EPB41L2: variants seen among roughly 807,000 people sequenced by gnomAD.
EPB41L2 encodes erythrocyte membrane protein band 4.1 like 2.
EPB41L2 carries 43 observed loss-of-function variants against 113.0 expected under a neutral mutation model. That is an observed-to-expected ratio of 0.38 (90% CI 0.30 to 0.49). The LOEUF is 0.49. Among genes scored for constraint, EPB41L2 ranks in the 20% least tolerant of loss-of-function variants. EPB41L2 has a pLI of 0.95. For synonymous variants in EPB41L2, 442 were observed against 436.7 expected (o/e 1.01, Z -0.15); for missense variants, 1,147 against 1,223.4 (o/e 0.94, Z 0.93).
rs377220493 is a variant in EPB41L2, at chr6:130,922,112, A to G, written c.810+4493T>C. Among the ~76,000 whole-genome samples, 5 of 152,360 alleles carry G rather than the reference A, an allele frequency of 3.3e-5. No individual in the cohort carries two copies. In the South Asian group the frequency reaches 1.0e-3, roughly 32 times the overall value. On this transcript the variant is annotated intron_variant, in intron 4 of 19. Coordinates refer to ENST00000337057, the MANE Select transcript of EPB41L2 (RefSeq NM_001431.4). ...TGTTTACGAACAATGGAGGAAGAAG[A>G]GAGATAAATAAGATTCCTAATTGAA...
chr6:130,969,213 G>C (rs1329953146), intron 1 of EPB41L2, among the ~76,000 whole-genome samples: 1 of 150,080 alleles, frequency 6.7e-6, no homozygotes, highest in East Asian at 1.9e-4. Flanking sequence ...ATTCTTCCTT[G>C]TGACAAAAAA....
chr6:131,042,178 A>T (rs13209830), intron 1 of EPB41L2, among the ~76,000 whole-genome samples: 20,137 of 152,046 alleles, frequency 0.13, 1,410 homozygotes, highest in Admixed American at 0.16. Flanking sequence ...GTATTTTTTT[A>T]AAAAGAAACT....
At chr6:131,049,684 C>T (rs1484626323) in intron 1 of EPB41L2, among the ~76,000 whole-genome samples, 3 of 152,220 alleles carry the variant, frequency 2.0e-5, no homozygotes, top group Non-Finnish European at 4.4e-5. Context: ...CTTGTGGAGG[C>T]ATTTGGCATC....
chr6:130,864,177 T>G (rs1782988590), intron 17 of EPB41L2, among the ~76,000 whole-genome samples: 1 of 152,240 alleles, frequency 6.6e-6, no homozygotes, highest in Non-Finnish European at 1.5e-5. Flanking sequence ...GTATCTGTTT[T>G]TGGTTTGAGA....
chr6:130,948,531 C>T (rs982024407), intron 3 of EPB41L2, among the ~76,000 whole-genome samples: 50 of 151,908 alleles, frequency 3.3e-4, no homozygotes, highest in African/African-American at 1.1e-3. Flanking sequence ...TTCAAGTAAA[C>T]GAAGAAAAAT....
intron 4 of EPB41L2, among the ~76,000 whole-genome samples, chr6:130,914,719 G>T (rs11967564): frequency 0.02 from 3,014 of 152,104 alleles, 51 homozygotes; most frequent in Non-Finnish European, 0.034. Flanking sequence ...CTCGAGAGCT[G>T]ACCTATATCA....
chr6:130,923,542 T>C (rs1315168115), intron 4 of EPB41L2, among the ~76,000 whole-genome samples: 1 of 152,188 alleles, frequency 6.6e-6, no homozygotes, highest in Non-Finnish European at 1.5e-5. Flanking sequence ...GCCTCGTGTA[T>C]GTGCTTCCCA....
At chr6:131,062,199 T>C (rs912490026) in intron 1 of EPB41L2, among the ~76,000 whole-genome samples, 28 of 149,864 alleles carry the variant, frequency 1.9e-4, no homozygotes, top group African/African-American at 6.7e-4. Context: ...TTTATACATA[T>C]ATATAAAAAA....
At chr6:130,904,247 T>G (rs1391885215) in intron 6 of EPB41L2, among the ~76,000 whole-genome samples, 1 of 152,146 alleles carries the variant, frequency 6.6e-6, no homozygotes, top group African/African-American at 2.4e-5. Flanking sequence ...AAATTTTCAT[T>G]ACTAGAATAT....
Position 130,885,168 on chromosome 6 carries a change from T to A in EPB41L2, c.1761A>T (p.Val587=), listed in dbSNP as rs762834959. The A allele has an allele frequency of 6.2e-7, 1 of 1,614,170 alleles. No homozygotes were observed. Among genetic ancestry groups the A allele is most frequent in the East Asian group, 2.2e-5 (1 of 44,872 alleles). ...YGPGLVSIAV[V]QDGDGRREVR... ...CTTCCCTCCTGCCGTCCCCATCTTG[T>A]ACCACGGCAATGCTGACAAGTCCAG... The change falls in exon 12 of 20, where the codon GTA becomes GTT. Residue 587 remains valine (V), a synonymous_variant. Transcript: ENST00000337057.
At chr6:130,910,530 A>G (rs964997886) in intron 4 of EPB41L2, among the ~76,000 whole-genome samples, 6 of 152,252 alleles carry the variant, frequency 3.9e-5, no homozygotes, top group Admixed American at 1.3e-4. Context: ...GACAAATGAG[A>G]TCTAATTAAA....
chr6:130,958,453 A>AAACAAC (rs200679204), intron 1 of EPB41L2, among the ~76,000 whole-genome samples: 2 of 143,780 alleles, frequency 1.4e-5, no homozygotes, highest in African/African-American at 5.3e-5. Context: ...CCCTGTCTCA[A>AAACAAC]AACAACAACA....
chr6:130,865,071 A>G (rs1408925159), intron 17 of EPB41L2, among the ~76,000 whole-genome samples: 4 of 152,206 alleles, frequency 2.6e-5, no homozygotes, highest in South Asian at 2.1e-4. Flanking sequence ...AGTGCTAAAC[A>G]TTTAGAGAAT....
At chr6:130,891,210 T>C (rs908683846) in intron 10 of EPB41L2, among the ~76,000 whole-genome samples, 3 of 152,134 alleles carry the variant, frequency 2.0e-5, no homozygotes, top group Admixed American at 6.5e-5. Context: ...CTCAAAAACA[T>C]GAAGAATTCC....
At chr6:130,891,533 C>T (rs2057164296) in intron 10 of EPB41L2, among the ~76,000 whole-genome samples, 1 of 152,150 alleles carries the variant, frequency 6.6e-6, no homozygotes, top group African/African-American at 2.4e-5. Context: ...ACTGCAACCT[C>T]CGCCTCCCGG....
intron 19 of EPB41L2, among the ~76,000 whole-genome samples, chr6:130,855,154 GCCTGGCCAACATGGCGAAAC>G (rs141782121): frequency 0.48 from 72,842 of 151,706 alleles, 17,801 homozygotes; most frequent in Admixed American, 0.56. Flanking sequence ...TTTAAGACCA[GCCTGGCCAACATGGCGAAAC>G]CCTGTCTCTA....
intron 1 of EPB41L2, among the ~76,000 whole-genome samples, chr6:130,958,621 G>A (rs975196828): frequency 6.6e-6 from 1 of 152,138 alleles, no homozygotes; most frequent in African/African-American, 2.4e-5. Flanking sequence ...GAAGGTATGT[G>A]TCAGGCATAG....
intron 4 of EPB41L2, among the ~76,000 whole-genome samples, chr6:130,910,185 A>G (rs1247158827): frequency 6.6e-6 from 1 of 152,222 alleles, no homozygotes; most frequent in Non-Finnish European, 1.5e-5. Context: ...ACAGATATAT[A>G]GACCAATGGA....
At chr6:130,918,490 T>C (rs60445063) in intron 4 of EPB41L2, among the ~76,000 whole-genome samples, 3,632 of 152,270 alleles carry the variant, frequency 0.024, 133 homozygotes, top group African/African-American at 0.083. Flanking sequence ...GAATTCCATA[T>C]TGAATAACAT....
Sources: gnomAD v4.1 joint callset for allele counts (sites outside exome capture counted in the v4.1 genomes callset) on GRCh38, gnomAD v4.1.1 for gene constraint, MANE v1.5 for transcripts, NCBI Gene and HGNC (gene_info 2026-07-23, HGNC 2026-07-21) for gene names.